Variants in CDC42BPB observed in about 807,000 individuals in gnomAD.
CDC42BPB encodes the protein CDC42 binding protein kinase beta.
In CDC42BPB, 37 loss-of-function variants were observed where a neutral mutation model predicts 214.9. The observed-to-expected ratio is 0.17, with a 90% CI of 0.13 to 0.23. CDC42BPB has a LOEUF of 0.23. CDC42BPB is among the 10% of genes least tolerant of loss of function. CDC42BPB has a pLI of 1.00. For synonymous variants in CDC42BPB, 931 were observed against 884.0 expected (o/e 1.05, Z -0.94); for missense variants, 1,694 against 2,227.0 (o/e 0.76, Z 4.82).
At chr14:102,991,379 A>G (rs1894481244) in intron 5 of CDC42BPB, among the ~76,000 whole-genome samples, 1 of 152,282 alleles carries the variant, frequency 6.6e-6, no homozygotes, top group African/African-American at 2.4e-5. Context: ...TTCTTCCAAC[A>G]TGCCAATGTC....
At chr14:102,967,429 C>T (rs1893261411) in intron 16 of CDC42BPB, 1 of 858,168 alleles carries the variant, frequency 1.2e-6, no homozygotes, top group Non-Finnish European at 1.4e-6. Flanking sequence ...ATACAAACAT[C>T]CTATTTAAAA....
intron 8 of CDC42BPB, 21 bp downstream of exon 8, chr14:102,980,752 G>A (rs759425928): frequency 6.2e-7 from 1 of 1,612,352 alleles, no homozygotes; most frequent in Non-Finnish European, 8.5e-7. Flanking sequence ...GCAACCCTGA[G>A]AACGGTGCTT....
chr14:102,953,810 A>G (rs564258553), intron 23 of CDC42BPB, among the ~76,000 whole-genome samples: 1 of 152,286 alleles, frequency 6.6e-6, no homozygotes, highest in South Asian at 2.1e-4. Context: ...AGTCATTCTC[A>G]CCCACCAGCC....
Position 102,980,953 on chromosome 14 carries a change from C to T in CDC42BPB, c.960G>A (p.Leu320=). The T allele has an allele frequency of 6.2e-7, 1 of 1,614,196 alleles. No homozygotes were observed. Among genetic ancestry groups the T allele is most frequent in the South Asian group, 1.1e-5 (1 of 91,088 alleles). Residue 320 remains leucine, a synonymous_variant, in exon 8 of 37, where the codon CTG becomes CTA. Coordinates refer to ENST00000361246, the MANE Select transcript of CDC42BPB (RefSeq NM_006035.4). ...SEEAKDLIQR[L]ICSRERRLGQ... is the part of the protein sequence containing the mutation. ...CCAGCCGGCGTTCTCTACTGCAGAT[C>T]AGTCTCTGGATGAGGTCCTTCGCTT...
In CDC42BPB at chr14:102,945,569, G is replaced by A. The variant is rs1439356340; in HGVS notation, c.3811+93C>T. 5.9e-6 allele frequency: 7 copies of A among 1,184,690 alleles called. No homozygotes were observed. In the African/African-American group the frequency reaches 1.1e-4, roughly 18 times the overall value. The allele number at this position is 1,184,690 out of a possible 1,614,324, so 73.4% of individuals were successfully genotyped here. ...TCCGGCGCCTTCATCAAGCGCATTT[G>A]TCTTAACCCTTAGGAGCTACTGACC... On this transcript the variant is annotated intron_variant, in intron 29 of 36. Coordinates refer to ENST00000361246, the MANE Select transcript of CDC42BPB (RefSeq NM_006035.4).
intron 6 of CDC42BPB, among the ~76,000 whole-genome samples, chr14:102,985,518 G>A (rs1595495447): frequency 6.6e-6 from 1 of 152,354 alleles, no homozygotes; most frequent in African/African-American, 2.4e-5. Context: ...TGGAGTGGAG[G>A]ACAGCACCCG....
chr14:102,995,144 T>A (rs1894668655), intron 5 of CDC42BPB, among the ~76,000 whole-genome samples: 1 of 152,182 alleles, frequency 6.6e-6, no homozygotes, highest in Admixed American at 6.5e-5. Context: ...TACTCTCTGC[T>A]CTCTCTTTAG....
At chr14:102,946,744 C>T in intron 27 of CDC42BPB, 60 bp from the exon 28 acceptor site, 3 of 1,586,390 alleles carry the variant, frequency 1.9e-6, no homozygotes, top group Non-Finnish European at 2.6e-6. Context: ...CCGCACGCAG[C>T]TACCACGGCC....
intron 8 of CDC42BPB, among the ~76,000 whole-genome samples, chr14:102,978,979 C>A (rs1405378759): frequency 1.3e-5 from 2 of 152,150 alleles, no homozygotes; most frequent in Non-Finnish European, 2.9e-5. Context: ...TGTATTCCAG[C>A]CTGGGTGACA....
Position 102,940,275 on chromosome 14 carries a change from G to C in CDC42BPB, c.4458C>G (p.Val1486=). Residue 1486 remains valine, a synonymous_variant, in exon 31 of 37, where the codon GTC becomes GTG. Transcript: ENST00000361246. ...CCCACTCCATGGTGCGCACATCAAA[G>C]ACGTCCACGCCATACTCGCTGTACA... ...VTVYSEYGVD[V]FDVRTMEWVQ... is the part of the protein sequence containing the mutation. The C allele has an allele frequency of 3.1e-6, 5 of 1,594,896 alleles. No individual in the cohort carries two copies. The highest frequency in any genetic ancestry group is 3.4e-6 in the Non-Finnish European group (4 of 1,170,706).
At chr14:102,970,671 G>A (rs1247274874) in intron 13 of CDC42BPB, among the ~76,000 whole-genome samples, 5 of 152,136 alleles carry the variant, frequency 3.3e-5, no homozygotes, top group Non-Finnish European at 5.9e-5. Context: ...GTGAGCTCCC[G>A]AGCCAAGCCC....
At chr14:103,046,580 TAAAC>T (rs1283962919) in intron 1 of CDC42BPB, among the ~76,000 whole-genome samples, 2 of 152,158 alleles carry the variant, frequency 1.3e-5, no homozygotes, top group Non-Finnish European at 2.9e-5. Flanking sequence ...AATAAAACAT[TAAAC>T]AAAGAAATGT....
In CDC42BPB at chr14:102,967,159, A is replaced by G; in HGVS notation, c.2358T>C (p.Phe786=). 4 of 1,613,814 alleles carry G rather than the reference A, an allele frequency of 2.5e-6. No homozygotes were observed. Among genetic ancestry groups the G allele is most frequent in the Non-Finnish European group, 2.5e-6 (3 of 1,179,712 alleles). ...TATTTTGAGCTGTGAGTTTATCCAC[A>G]AAGGAACAGAGCTGAAATGAAACAA... ...LTAENEKLCS[F]VDKLTAQNRQ... is the part of the protein sequence containing the mutation. Residue 786 remains phenylalanine (F), a synonymous_variant, in exon 17 of 37, where the codon TTT becomes TTC. Transcript: ENST00000361246.
In CDC42BPB at chr14:103,057,179, C is replaced by T. The variant is rs1202432178; in HGVS notation, c.-6G>A. ...AGCCGCACCTTGGCCGACATGGTGC[C>T]GCGCGGCCCGCTCCCGACGCGCCGG... On this transcript the variant is annotated 5_prime_UTR_variant, in exon 1 of 37. Transcript: ENST00000361246. 2.8e-6 allele frequency: 4 copies of T among 1,408,824 alleles called. No homozygotes were observed. The highest frequency in any genetic ancestry group is 1.4e-5 in the South Asian group (1 of 69,772). 87.3% of individuals were successfully genotyped at this position (1,408,824 alleles called of 1,614,324 possible).
intron 23 of CDC42BPB, among the ~76,000 whole-genome samples, 193 bp downstream of exon 23, chr14:102,954,005 C>T (rs1356633099): frequency 6.6e-6 from 1 of 152,228 alleles, no homozygotes; most frequent in African/African-American, 2.4e-5. Context: ...TAAGAAAACA[C>T]AGGGTCCTGA....
intron 21 of CDC42BPB, 60 bp from the exon 22 acceptor site, chr14:102,954,748 C>CTT: frequency 6.4e-7 from 1 of 1,558,438 alleles, no homozygotes; most frequent in Non-Finnish European, 8.7e-7. Flanking sequence ...GATCCAGACT[C>CTT]TACTTACAAG....
chr14:102,971,460 G>A (rs552722967), intron 13 of CDC42BPB, among the ~76,000 whole-genome samples: 15 of 152,306 alleles, frequency 9.8e-5, no homozygotes, highest in African/African-American at 2.9e-4. Context: ...TCACCTAAGC[G>A]GCGGCCTGAA....
chr14:102,984,865 GA>G (rs1478495138), intron 6 of CDC42BPB, among the ~76,000 whole-genome samples: 1 of 152,220 alleles, frequency 6.6e-6, no homozygotes, highest in South Asian at 2.1e-4. Context: ...GATCAGCAGA[GA>G]ACTCCACCTC....
At chr14:103,023,812 G>A (rs1215065511) in intron 1 of CDC42BPB, among the ~76,000 whole-genome samples, 3 of 152,014 alleles carry the variant, frequency 2.0e-5, no homozygotes, top group Non-Finnish European at 2.9e-5. Context: ...ATTCTAATAT[G>A]CAGATTTTGC....
Sources: gnomAD v4.1 joint callset for allele counts (sites outside exome capture counted in the v4.1 genomes callset) on GRCh38, gnomAD v4.1.1 for gene constraint, MANE v1.5 for transcripts, NCBI Gene and HGNC (gene_info 2026-07-23, HGNC 2026-07-21) for gene names.